Variants in MDGA2 observed in about 807,000 individuals in gnomAD.
MDGA2 encodes MAM domain containing glycosylphosphatidylinositol anchor 2.
A neutral mutation model predicts 117.8 loss-of-function variants in MDGA2; 40 were observed. The observed-to-expected ratio is 0.34, with a 90% CI of 0.26 to 0.44. MDGA2 has a LOEUF of 0.44. Among genes scored for constraint, MDGA2 ranks in the 20% least tolerant of loss-of-function variants. MDGA2 has a pLI of 1.00. For missense variants in MDGA2, 1,123 were observed against 1,250.6 expected, an observed-to-expected ratio of 0.90 and a Z score of 1.54; for synonymous variants, 452 against 439.0, an observed-to-expected ratio of 1.03 and a Z score of -0.37.
chr14:46,952,620 C>A (rs1389547355), intron 9 of MDGA2, among the ~76,000 whole-genome samples: 1 of 151,914 alleles, frequency 6.6e-6, no homozygotes, highest in Non-Finnish European at 1.5e-5. Context: ...CTGCACCTTT[C>A]TATTTGGCTG....
chr14:47,475,592 T>G (rs1893819361), intron 1 of MDGA2, among the ~76,000 whole-genome samples: 1 of 152,124 alleles, frequency 6.6e-6, no homozygotes, highest in African/African-American at 2.4e-5. Flanking sequence ...CCATCAATGA[T>G]AGACTGGATA....
chr14:46,960,938 GTA>G (rs1306081406), intron 8 of MDGA2, among the ~76,000 whole-genome samples: 4 of 122,762 alleles, frequency 3.3e-5, no homozygotes, highest in South Asian at 2.5e-4. Flanking sequence ...ATGTGTATGC[GTA>G]TATATATATA....
intron 2 of MDGA2, among the ~76,000 whole-genome samples, chr14:47,234,366 C>G (rs1361909885): frequency 1.3e-5 from 2 of 151,806 alleles, no homozygotes; most frequent in Admixed American, 6.6e-5. Flanking sequence ...CACCGTTTAT[C>G]AATTATCAAT....
rs796916210 is a variant in MDGA2 at position 47,463,735 on chromosome 14, AC to A, written c.281-162186del. ...AAATAATAGATAACATTTTAAAATC[AC>A]CAGTTATGTGTCAAACATTGTGGCA... On this transcript the variant is annotated intron_variant, in intron 1 of 16. Coordinates refer to ENST00000399232, the MANE Select transcript of MDGA2 (RefSeq NM_001113498.3). Among the ~76,000 whole-genome samples the A allele has an allele frequency of 2.0e-5, 3 of 152,290 alleles. No homozygotes were observed. The East Asian group carries it at 5.8e-4, about 29-fold the overall frequency.
intron 1 of MDGA2, among the ~76,000 whole-genome samples, chr14:47,487,060 G>C (rs1006619348): frequency 6.6e-6 from 1 of 152,096 alleles, no homozygotes; most frequent in Admixed American, 6.6e-5. Context: ...TCTTCCCTTA[G>C]CTATGAAAAA....
chr14:47,565,624 C>T (rs893789313), intron 1 of MDGA2, among the ~76,000 whole-genome samples: 8 of 152,156 alleles, frequency 5.3e-5, no homozygotes, highest in African/African-American at 1.4e-4. Flanking sequence ...GCTTCTTGTG[C>T]CACCAGTTGT....
At chr14:47,096,459 G>A (rs866386100) in intron 6 of MDGA2, among the ~76,000 whole-genome samples, 5 of 151,970 alleles carry the variant, frequency 3.3e-5, no homozygotes, top group Middle Eastern at 3.4e-3. Flanking sequence ...GATTGTAATA[G>A]GGGCTCAATA....
chr14:46,929,175 C>A (rs1172460875), intron 9 of MDGA2, among the ~76,000 whole-genome samples: 1 of 152,058 alleles, frequency 6.6e-6, no homozygotes, highest in Non-Finnish European at 1.5e-5. Context: ...CTTTCTTAGG[C>A]TTGACCTGTC....
intron 3 of MDGA2, among the ~76,000 whole-genome samples, chr14:47,148,524 G>A (rs926588998): frequency 1.3e-5 from 2 of 152,074 alleles, no homozygotes; most frequent in African/African-American, 4.8e-5. Context: ...GATGTAGTAC[G>A]TATGACCAGA....
intron 1 of MDGA2, among the ~76,000 whole-genome samples, chr14:47,330,543 C>A (rs1225765913): frequency 6.6e-6 from 1 of 151,798 alleles, no homozygotes; most frequent in Non-Finnish European, 1.5e-5. Context: ...GAAACTGTGT[C>A]TTCAAAAAGA....
chr14:47,107,051 C>T (rs1007159292), intron 5 of MDGA2, among the ~76,000 whole-genome samples: 9 of 128,566 alleles, frequency 7.0e-5, no homozygotes, highest in African/African-American at 2.8e-4. Flanking sequence ...TTGCGTCCAC[C>T]TCTTCTATCC....
At chr14:47,192,765 GA>G (rs2139411892) in intron 3 of MDGA2, among the ~76,000 whole-genome samples, 1 of 152,266 alleles carries the variant, frequency 6.6e-6, no homozygotes, top group Non-Finnish European at 1.5e-5. Flanking sequence ...TTACTTTATA[GA>G]ATGTGTTCAG....
chr14:47,053,144 T>C (rs540018448), intron 7 of MDGA2, among the ~76,000 whole-genome samples: 1 of 151,960 alleles, frequency 6.6e-6, no homozygotes. Flanking sequence ...TTTTTTCTAC[T>C]CAAATTAGAG....
intron 4 of MDGA2, among the ~76,000 whole-genome samples, chr14:47,143,339 T>G (rs186907730): frequency 6.6e-6 from 1 of 152,116 alleles, no homozygotes; most frequent in East Asian, 1.9e-4. Context: ...TTGTCCAAAT[T>G]TTTTTTTATT....
chr14:47,176,348 T>C (rs1884447312), intron 3 of MDGA2, among the ~76,000 whole-genome samples: 1 of 152,028 alleles, frequency 6.6e-6, no homozygotes, highest in Admixed American at 6.6e-5. Flanking sequence ...GCCAAGTCAA[T>C]CCTAAGCCAA....
intron 7 of MDGA2, among the ~76,000 whole-genome samples, chr14:47,039,913 T>TCA (rs150173178): frequency 0.097 from 14,725 of 151,212 alleles, 822 homozygotes; most frequent in African/African-American, 0.15. Context: ...TGGCTCTCTC[T>TCA]CACACACACA....
At chr14:47,610,243 C>T (rs1238935825) in intron 1 of MDGA2, among the ~76,000 whole-genome samples, 1 of 152,082 alleles carries the variant, frequency 6.6e-6, no homozygotes, top group Non-Finnish European at 1.5e-5. Context: ...AAAGCATTCC[C>T]TCTGAGAACT....
At chr14:47,038,938 A>T (rs1007110044) in intron 7 of MDGA2, among the ~76,000 whole-genome samples, 3 of 151,158 alleles carry the variant, frequency 2.0e-5, no homozygotes, top group Admixed American at 1.3e-4. Flanking sequence ...CAACGGAGTG[A>T]GACTCCATCT....
intron 2 of MDGA2, among the ~76,000 whole-genome samples, chr14:47,263,535 T>G (rs1476754815): frequency 1.3e-5 from 2 of 152,146 alleles, no homozygotes; most frequent in African/African-American, 4.8e-5. Context: ...AAAAAACTGT[T>G]ATAGGGTAGT....
Sources: gnomAD v4.1 joint callset for allele counts (sites outside exome capture counted in the v4.1 genomes callset) on GRCh38, gnomAD v4.1.1 for gene constraint, MANE v1.5 for transcripts, NCBI Gene and HGNC (gene_info 2026-07-23, HGNC 2026-07-21) for gene names.